Variants in FAM222A observed in about 807,000 individuals in gnomAD.
The protein encoded by FAM222A is family with sequence similarity 222 member A.
In FAM222A, 7 loss-of-function variants were observed where a neutral mutation model predicts 25.8. The ratio of observed to expected loss-of-function variants is 0.27; its 90% CI spans 0.15 to 0.51. The LOEUF (loss-of-function observed/expected upper bound fraction) is 0.51, where lower values mean the gene tolerates loss of function less well. FAM222A is among the 20% of genes least tolerant of loss of function. FAM222A has a pLI of 0.97. For missense variants in FAM222A, 573 were observed against 640.5 expected (o/e 0.89, Z 1.14); for synonymous variants, 294 against 298.8 (o/e 0.98, Z 0.17).
chr12:109,754,840 T>A (rs1888672191), intron 2 of FAM222A, among the ~76,000 whole-genome samples: 2 of 152,186 alleles, frequency 1.3e-5, no homozygotes, highest in East Asian at 1.9e-4. Context: ...GATAATTTTT[T>A]AATTAATTTT....
At chr12:109,747,041 A>G (rs1888419156) in intron 2 of FAM222A, among the ~76,000 whole-genome samples, 1 of 152,212 alleles carries the variant, frequency 6.6e-6, no homozygotes, top group Non-Finnish European at 1.5e-5. Context: ...TCAGCACTCA[A>G]AAAGTTACAG....
intron 1 of FAM222A, among the ~76,000 whole-genome samples, chr12:109,718,079 A>C (rs768251827): frequency 5.3e-5 from 8 of 152,164 alleles, no homozygotes; most frequent in Non-Finnish European, 1.0e-4. Flanking sequence ...CATAGCACTC[A>C]CTGTGCAGGG....
intron 1 of FAM222A, among the ~76,000 whole-genome samples, chr12:109,723,053 T>A (rs1425031883): frequency 6.6e-6 from 1 of 151,784 alleles, no homozygotes; most frequent in Non-Finnish European, 1.5e-5. Context: ...AGGGAACAAT[T>A]ATTAGCGATC....
chr12:109,757,061 G>C (rs769140735), intron 2 of FAM222A, among the ~76,000 whole-genome samples: 3 of 152,150 alleles, frequency 2.0e-5, no homozygotes, highest in Non-Finnish European at 2.9e-5. Flanking sequence ...GTTAGTCTTG[G>C]TAGTTGATGT....
intron 2 of FAM222A, among the ~76,000 whole-genome samples, chr12:109,761,572 GAGA>G (rs1019505118): frequency 7.2e-5 from 11 of 152,340 alleles, no homozygotes; most frequent in South Asian, 2.1e-4. Flanking sequence ...TCCTTCCAGA[GAGA>G]AGGAGAGAGC....
intron 2 of FAM222A, among the ~76,000 whole-genome samples, chr12:109,747,629 C>T (rs1341118702): frequency 3.9e-5 from 6 of 152,188 alleles, no homozygotes; most frequent in Admixed American, 3.9e-4. Context: ...ATACAGTTCT[C>T]TTTCATGTCT....
At chr12:109,733,396 CATT>C (rs1312157501) in intron 1 of FAM222A, among the ~76,000 whole-genome samples, 1 of 151,770 alleles carries the variant, frequency 6.6e-6, no homozygotes, top group African/African-American at 2.4e-5. Context: ...ATGAGGCTCC[CATT>C]ATTACATTTT....
chr12:109,725,358 G>A (rs982388545), intron 1 of FAM222A, among the ~76,000 whole-genome samples: 1 of 152,038 alleles, frequency 6.6e-6, no homozygotes, highest in Non-Finnish European at 1.5e-5. Context: ...GTACTCACCC[G>A]AGGTCACCGA....
chr12:109,734,844 G>A (rs541313158), intron 1 of FAM222A: 3 of 152,308 alleles, frequency 2.0e-5, no homozygotes, highest in South Asian at 2.1e-4. Context: ...GAGACACGAC[G>A]CCCCTCTACC....
chr12:109,725,256 G>A (rs1483525878), intron 1 of FAM222A, among the ~76,000 whole-genome samples: 8 of 152,136 alleles, frequency 5.3e-5, no homozygotes, highest in African/African-American at 1.7e-4. Context: ...TGTGTGCTGT[G>A]CTAGGCCCTC....
At chr12:109,717,433 G>T (rs904232733) in intron 1 of FAM222A, among the ~76,000 whole-genome samples, 2 of 152,204 alleles carry the variant, frequency 1.3e-5, no homozygotes, top group African/African-American at 2.4e-5. Context: ...AGTAGATGAG[G>T]TTCCTGACCC....
intron 2 of FAM222A, among the ~76,000 whole-genome samples, chr12:109,761,802 G>C (rs949009112): frequency 1.3e-5 from 2 of 152,080 alleles, no homozygotes; most frequent in Non-Finnish European, 2.9e-5. Flanking sequence ...CCAGCAGCCT[G>C]GGGGGTCGTA....
At chr12:109,742,936 T>C (rs1432771196) in intron 1 of FAM222A, among the ~76,000 whole-genome samples, 2 of 152,178 alleles carry the variant, frequency 1.3e-5, no homozygotes, top group African/African-American at 4.8e-5. Flanking sequence ...AATTTAGGAC[T>C]CCAGACACCT....
intron 2 of FAM222A, among the ~76,000 whole-genome samples, chr12:109,767,222 A>G (rs1427700041): frequency 2.0e-5 from 3 of 151,654 alleles, no homozygotes; most frequent in Non-Finnish European, 4.4e-5. Flanking sequence ...AACAACCCAA[A>G]TGCCATCAAG....
intron 1 of FAM222A, among the ~76,000 whole-genome samples, chr12:109,723,148 A>G (rs1036896259): frequency 1.3e-5 from 2 of 152,078 alleles, no homozygotes; most frequent in African/African-American, 4.8e-5. Flanking sequence ...GCAAGCTGGC[A>G]TTTTGAGCCC....
At chr12:109,734,911 G>T (rs1888044777) in intron 1 of FAM222A, 1 of 152,328 alleles carries the variant, frequency 6.6e-6, no homozygotes, top group African/African-American at 2.4e-5. Flanking sequence ...GTGGTGAGTG[G>T]CGTTTGACTC....
chr12:109,756,888 T>C (rs1888748104), intron 2 of FAM222A, among the ~76,000 whole-genome samples: 1 of 152,248 alleles, frequency 6.6e-6, no homozygotes, highest in Admixed American at 6.5e-5. Flanking sequence ...GTTCTCTCTT[T>C]TTTTTATGGA....
rs1205070089 is a variant in FAM222A, at chr12:109,713,893, C to T, written c.-1051C>T. On this transcript the variant is annotated 5_prime_UTR_variant, in exon 1 of 3. Coordinates refer to ENST00000538780, the MANE Select transcript of FAM222A (RefSeq NM_032829.3). ...TGCTCCGCGGAGAGGCTGCGCGCGC[C>T]GGCCGGGGGAGGCGGACAGCCGGGC... Among the ~76,000 whole-genome samples the T allele has an allele frequency of 5.4e-5, 8 of 147,312 alleles. No individual in the cohort carries two copies. In the South Asian group the frequency reaches 1.0e-3, roughly 19 times the overall value.
At chr12:109,759,152 A>G (rs1348533950) in intron 2 of FAM222A, among the ~76,000 whole-genome samples, 1 of 152,180 alleles carries the variant, frequency 6.6e-6, no homozygotes, top group Non-Finnish European at 1.5e-5. Flanking sequence ...CCCACCTCCA[A>G]GTCTCCTGAC....
Sources: gnomAD v4.1 joint callset for allele counts (sites outside exome capture counted in the v4.1 genomes callset) on GRCh38, gnomAD v4.1.1 for gene constraint, MANE v1.5 for transcripts, NCBI Gene and HGNC (gene_info 2026-07-23, HGNC 2026-07-21) for gene names.